Variants in BAG4 observed in about 807,000 individuals in gnomAD.
BAG4 encodes the protein BAG cochaperone 4.
Under a neutral mutation model 52.1 loss-of-function variants are expected in BAG4, and 28 were observed. The ratio of observed to expected loss-of-function variants is 0.54; its 90% CI spans 0.40 to 0.74. BAG4 has a LOEUF of 0.74. Among genes scored for constraint, BAG4 ranks in the 30% least tolerant of loss-of-function variants. The probability of loss-of-function intolerance (pLI) is 0.00; values close to 1 mark genes in which losing one functional copy is unlikely to be tolerated. For synonymous variants in BAG4, 208 were observed against 217.0 expected, an observed-to-expected ratio of 0.96 and a Z score of 0.37; for missense variants, 525 against 572.0, an observed-to-expected ratio of 0.92 and a Z score of 0.84.
At chr8:38,179,134 A>G (rs1803220437) in intron 1 of BAG4, among the ~76,000 whole-genome samples, 1 of 152,168 alleles carries the variant, frequency 6.6e-6, no homozygotes, top group African/African-American at 2.4e-5. Flanking sequence ...TGAGAAAAAC[A>G]TGGAGCAGTG....
Position 38,211,102 on chromosome 8 carries a change from G to GA in BAG4, c.*615dup, listed in dbSNP as rs531386655. On this transcript the variant is annotated 3_prime_UTR_variant, in exon 5 of 5. Transcript: ENST00000287322. The stretch of plus-strand genomic sequence containing the variant: ...GACAGCCAGATAGTATGGCAGTTCT[G>GA]AAAAAATTTATATCTTTTCACCACT... 3 of 151,420 alleles carry GA rather than the reference G, an allele frequency of 2.0e-5. No homozygotes were observed. The South Asian group carries it at 6.3e-4, about 32-fold the overall frequency. 9.4% of individuals were successfully genotyped at this position (151,420 alleles called of 1,614,324 possible). A position where few individuals can be genotyped will look rare whatever the true frequency, so the allele number is the denominator to read the frequency against.
chr8:38,198,052 T>G (rs1803592693), intron 2 of BAG4, among the ~76,000 whole-genome samples: 2 of 152,090 alleles, frequency 1.3e-5, no homozygotes, highest in South Asian at 2.1e-4. Context: ...ATAGTAATAC[T>G]TAGCTTAAAA....
At chr8:38,207,455 G>C (rs1171344918) in intron 2 of BAG4, 57 bp from the exon 3 acceptor site, 1 of 1,560,134 alleles carries the variant, frequency 6.4e-7, no homozygotes, top group Admixed American at 1.8e-5. Context: ...ATTAAGTCAG[G>C]GCATTTCAGC....
chr8:38,208,992 T>C, intron 3 of BAG4, 21 bp from the exon 4 acceptor site: 13 of 1,600,554 alleles, frequency 8.1e-6, no homozygotes, highest in Non-Finnish European at 1.1e-5. Flanking sequence ...ATGACTGGTA[T>C]ATTTCTTCTT....
intron 2 of BAG4, among the ~76,000 whole-genome samples, chr8:38,200,259 G>A (rs571523697): frequency 1.3e-5 from 2 of 151,498 alleles, no homozygotes; most frequent in South Asian, 2.1e-4. Context: ...CACCTGCCTC[G>A]GCCTCCCAAA....
At chr8:38,179,586 C>G (rs1040977628) in intron 1 of BAG4, among the ~76,000 whole-genome samples, 3 of 150,082 alleles carry the variant, frequency 2.0e-5, no homozygotes, top group African/African-American at 7.3e-5. Flanking sequence ...GCCCACATGG[C>G]AAAACCCCGT....
chr8:38,180,722 G>T (rs926144854), intron 1 of BAG4, among the ~76,000 whole-genome samples: 1 of 151,784 alleles, frequency 6.6e-6, no homozygotes. Flanking sequence ...AGAAGCCTCG[G>T]TGTCACTTGT....
At chr8:38,181,015 A>T (rs1585649792) in intron 1 of BAG4, among the ~76,000 whole-genome samples, 1 of 147,484 alleles carries the variant, frequency 6.8e-6, no homozygotes, top group East Asian at 2.0e-4. Flanking sequence ...ATCTCGGCTC[A>T]CCGCAAGCTC....
Position 38,210,435 on chromosome 8 carries a change from A to G in BAG4, c.1316A>G (p.Lys439Arg). 1.2e-6 allele frequency: 2 copies of G among 1,602,618 alleles called. No homozygotes were observed. Among genetic ancestry groups the G allele is most frequent in the Non-Finnish European group, 1.7e-6 (2 of 1,177,086 alleles). The change falls in exon 5 of 5, where the codon AAA becomes AGA. Residue 439 changes from lysine (K) to arginine (R), a missense_variant. By Grantham distance (26) the Lys-to-Arg change is conservative. Transcript: ENST00000287322. Reference protein sequence around the residue: ...GGQDSVRQARKEAVCKIQAIL... With the variant: ...GGQDSVRQARREAVCKIQAIL... ...CAGGACTCTGTACGGCAGGCCAGAA[A>G]AGAGGCTGTTTGTAAGATTCAGGCC...
intron 2 of BAG4, among the ~76,000 whole-genome samples, chr8:38,199,456 C>T (rs1803621165): frequency 1.3e-5 from 2 of 151,710 alleles, no homozygotes; most frequent in Non-Finnish European, 2.9e-5. Flanking sequence ...TTTTGTTGCT[C>T]CTGCTTTTGA....
intron 1 of BAG4, among the ~76,000 whole-genome samples, chr8:38,189,813 T>TTTGTTGTTGTTG (rs145500897): frequency 0.18 from 28,057 of 151,854 alleles, 2,767 homozygotes; most frequent in East Asian, 0.3. Context: ...TAAATTACGT[T>TTTGTTGTTGTTG]TTGTTGTTGT....
At chr8:38,198,494 GT>G (rs368761607) in intron 2 of BAG4, among the ~76,000 whole-genome samples, 145 of 106,720 alleles carry the variant, frequency 1.4e-3, no homozygotes, top group Non-Finnish European at 1.4e-3. Context: ...TTTGTTTTTT[GT>G]TTTTTTTTTT....
At chr8:38,201,760 A>T (rs1803664405) in intron 2 of BAG4, 1 of 146,450 alleles carries the variant, frequency 6.8e-6, no homozygotes, top group Non-Finnish European at 1.5e-5. Flanking sequence ...TATAAATCTT[A>T]AAAATTCTCA....
In BAG4 at chr8:38,211,929, G is replaced by C. The variant is rs1327341122; in HGVS notation, c.*1436G>C. The C allele has an allele frequency of 1.3e-5, 2 of 152,214 alleles. No homozygotes were observed. The highest frequency in any genetic ancestry group is 3.9e-4 in the East Asian group (2 of 5,174). 9.4% of individuals were successfully genotyped at this position (152,214 alleles called of 1,614,324 possible). ...CTGTTTCTTCATAAGATACCCAAGT[G>C]ATAATTTTTTTTCCCCTAGACTGTC... On this transcript the variant is annotated 3_prime_UTR_variant, in exon 5 of 5. Transcript: ENST00000287322.
rs1044891697 is a variant in BAG4, at chr8:38,210,692, G to A, written c.*199G>A. On this transcript the variant is annotated 3_prime_UTR_variant, in exon 5 of 5. Transcript: ENST00000287322. ...AGTTGTTTTCAGTTTTCAGACGAAT[G>A]AATGTAATAGGAAACTATGGAGTTA... The A allele has an allele frequency of 7.3e-5, 47 of 643,444 alleles. 1 individual carries two copies. The African/African-American group carries it at 8.8e-4, about 12-fold the overall frequency. The allele number at this position is 643,444 out of a possible 1,614,324, so 39.9% of individuals were successfully genotyped here.
intron 2 of BAG4, among the ~76,000 whole-genome samples, chr8:38,198,135 A>G (rs1403994369): frequency 1.3e-5 from 2 of 152,024 alleles, no homozygotes. Context: ...CTGTAATCCT[A>G]GCAATTTGGG....
chr8:38,208,438 T>C (rs1803811916), intron 3 of BAG4, among the ~76,000 whole-genome samples: 1 of 150,282 alleles, frequency 6.7e-6, no homozygotes, highest in Non-Finnish European at 1.5e-5. Flanking sequence ...GCCTCCCGAG[T>C]AGCTGGGACT....
At chr8:38,202,873 T>G (rs10099466) in intron 2 of BAG4, 36,694 of 152,022 alleles carry the variant, frequency 0.24, 4,587 homozygotes, top group East Asian at 0.31. Context: ...TACTTTAATA[T>G]GTAACAGAAA....
chr8:38,184,908 G>A (rs1803339426), intron 1 of BAG4, among the ~76,000 whole-genome samples: 1 of 152,082 alleles, frequency 6.6e-6, no homozygotes. Flanking sequence ...GGCCAACATG[G>A]TGAAACCCTG....
Sources: allele counts gnomAD v4.1 joint callset (sites outside exome capture counted in the v4.1 genomes callset), GRCh38; gene constraint gnomAD v4.1.1; transcripts MANE v1.5; gene names NCBI Gene and HGNC (gene_info 2026-07-23, HGNC 2026-07-21).